Variants in CHN2 observed in about 807,000 individuals in gnomAD.
CHN2 encodes chimerin 2, also known as beta-chimaerin.
A neutral mutation model predicts 56.3 loss-of-function variants in CHN2; 35 were observed. The ratio of observed to expected loss-of-function variants is 0.62; its 90% CI spans 0.47 to 0.82. The LOEUF is 0.82. CHN2 is among the 40% of genes least tolerant of loss of function. The pLI is 0.00. For missense variants in CHN2, 491 were observed against 580.5 expected (o/e 0.85, Z 1.58); for synonymous variants, 210 against 212.8 (o/e 0.99, Z 0.12).
At chr7:29,506,968 A>C (rs1185960580) in intron 10 of CHN2, among the ~76,000 whole-genome samples, 2 of 152,160 alleles carry the variant, frequency 1.3e-5, no homozygotes, top group African/African-American at 4.8e-5. Flanking sequence ...TATTTAGCAA[A>C]TTACCAGGGG....
Position 29,194,988 on chromosome 7 carries a change from C to G in CHN2, c.47C>G (p.Ser16Cys), listed in dbSNP as rs764852613. ...NSSLSGSSVS[S>C]DAEEYQPPIW... is the part of the protein sequence containing the mutation. The stretch of plus-strand genomic sequence containing the variant: ...AGCCTGTCCGGCTCGTCGGTGTCCT[C>G]CGGTGAGTTTCAGCCCGTCGGGCGC... Residue 16 changes from serine (S) to cysteine (C), a missense_variant and splice_region_variant, in exon 1 of 13, where the codon TCC becomes TGC. By Grantham distance (112) the Ser-to-Cys change is moderately radical (BLOSUM62 -1). Coordinates refer to ENST00000222792, the MANE Select transcript of CHN2 (RefSeq NM_004067.4). 4 of 1,587,170 alleles carry G rather than the reference C, an allele frequency of 2.5e-6. No homozygotes were observed. Among genetic ancestry groups the G allele is most frequent in the South Asian group, 2.3e-5 (2 of 87,766 alleles).
At chr7:29,352,684 C>T (rs1349076346) in intron 1 of CHN2, among the ~76,000 whole-genome samples, 1 of 152,142 alleles carries the variant, frequency 6.6e-6, no homozygotes, top group African/African-American at 2.4e-5. Flanking sequence ...GATCATGCCA[C>T]TGCACTTCAG....
chr7:29,420,512 AAATATGTCAGACATATTCTGTCTAAG>A (rs1804228093), intron 6 of CHN2, among the ~76,000 whole-genome samples: 1 of 152,220 alleles, frequency 6.6e-6, no homozygotes, highest in Non-Finnish European at 1.5e-5. Context: ...ATGCTAAGTG[AAATATGTCAGACATATTCTGTCTAAG>A]AATCTTTGTT....
chr7:29,268,431 T>A (rs1790333632), intron 1 of CHN2, among the ~76,000 whole-genome samples: 1 of 152,162 alleles, frequency 6.6e-6, no homozygotes, highest in Non-Finnish European at 1.5e-5. Context: ...CTTCTCTTGA[T>A]CTTTGCATTT....
intron 2 of CHN2, among the ~76,000 whole-genome samples, chr7:29,178,441 A>G (rs1332936706): frequency 2.0e-5 from 3 of 151,874 alleles, no homozygotes; most frequent in Non-Finnish European, 4.4e-5. Flanking sequence ...TGTTCCTCTA[A>G]CATGCCCAGC....
intron 6 of CHN2, among the ~76,000 whole-genome samples, chr7:29,427,252 G>GT (rs1249594203): frequency 1.3e-5 from 2 of 152,160 alleles, no homozygotes; most frequent in Admixed American, 6.5e-5. Flanking sequence ...GGAGGCAGAG[G>GT]TTGCAGTGAA....
intron 1 of CHN2, among the ~76,000 whole-genome samples, chr7:29,242,904 G>T (rs1288539659): frequency 2.0e-5 from 3 of 150,362 alleles, no homozygotes; most frequent in Non-Finnish European, 4.4e-5. Context: ...TTCTGGAAAT[G>T]AGCTTTAAAC....
At chr7:29,266,420 CAGAG>C (rs1191613198) in intron 1 of CHN2, among the ~76,000 whole-genome samples, 1 of 152,144 alleles carries the variant, frequency 6.6e-6, no homozygotes, top group Non-Finnish European at 1.5e-5. Flanking sequence ...TCTTTTCTGC[CAGAG>C]AGACCAGCAA....
intron 1 of CHN2, among the ~76,000 whole-genome samples, chr7:29,262,781 G>A (rs1021978979): frequency 1.7e-4 from 26 of 152,170 alleles, no homozygotes; most frequent in African/African-American, 5.8e-4. Context: ...GTGAAGATGG[G>A]GGTGCAGGGG....
chr7:29,377,030 TTTTG>T (rs894414492), intron 3 of CHN2, among the ~76,000 whole-genome samples: 1 of 148,202 alleles, frequency 6.7e-6, no homozygotes, highest in African/African-American at 2.4e-5. Flanking sequence ...GTTTGTTTTA[TTTTG>T]TTTGTTTATT....
At chr7:29,197,798 G>T (rs1005845764) in intron 1 of CHN2, 1 of 385,908 alleles carries the variant, frequency 2.6e-6, no homozygotes, top group Non-Finnish European at 5.1e-6. Flanking sequence ...CTCTATTCCA[G>T]TTTGATAAAA....
chr7:29,389,626 G>A (rs1454092518), intron 3 of CHN2, among the ~76,000 whole-genome samples: 2 of 152,138 alleles, frequency 1.3e-5, no homozygotes, highest in African/African-American at 2.4e-5. Flanking sequence ...ATATATTAAG[G>A]TAGTTCCAAA....
At chr7:29,180,432 C>T (rs994665375) in intron 2 of CHN2, among the ~76,000 whole-genome samples, 3 of 151,932 alleles carry the variant, frequency 2.0e-5, no homozygotes, top group African/African-American at 7.2e-5. Context: ...GAGGCTGAGG[C>T]AGGAGAATCA....
At position 29,509,282 on chromosome 7, in the gene CHN2, T is replaced by A. The variant is rs752515838; in HGVS notation, c.1130-19T>A. ...ATGCCACACTCTGAACTAATACCCA[T>A]CATGCGTGAACTTCACAGAAATCTC... On this transcript the variant is annotated intron_variant, in intron 11 of 12. Transcript: ENST00000222792. 1 of 1,586,274 alleles carries A rather than the reference T, an allele frequency of 6.3e-7. No homozygotes were observed. The highest frequency in any genetic ancestry group is 1.1e-5 in the South Asian group (1 of 90,454).
intron 1 of CHN2, among the ~76,000 whole-genome samples, chr7:29,201,865 G>T (rs547511359): frequency 3.3e-5 from 5 of 152,246 alleles, no homozygotes; most frequent in Admixed American, 6.5e-5. Context: ...TGCTGTTTAG[G>T]TTATCTTTTA....
chr7:29,353,380 G>A (rs865802926), intron 1 of CHN2, among the ~76,000 whole-genome samples: 1 of 152,342 alleles, frequency 6.6e-6, no homozygotes, highest in Middle Eastern at 3.4e-3. Flanking sequence ...ACAGCCAGGC[G>A]CAGTGGCTCA....
chr7:29,445,242 C>T, intron 6 of CHN2: 1 of 446,730 alleles, frequency 2.2e-6, no homozygotes, highest in Non-Finnish European at 4.5e-6. Flanking sequence ...ACACTGAGAA[C>T]CCTACCTCCT....
intron 6 of CHN2, among the ~76,000 whole-genome samples, chr7:29,404,805 T>C (rs528587255): frequency 6.6e-6 from 1 of 152,108 alleles, no homozygotes; most frequent in East Asian, 1.9e-4. Flanking sequence ...GCTCAAGCGA[T>C]CCTCCCATCT....
chr7:29,436,270 G>GA (rs1783216927), intron 6 of CHN2, among the ~76,000 whole-genome samples: 1 of 152,138 alleles, frequency 6.6e-6, no homozygotes, highest in South Asian at 2.1e-4. Context: ...ACCACGCTTT[G>GA]ACCAGTAAGA....
Sources: allele counts gnomAD v4.1 joint callset (sites outside exome capture counted in the v4.1 genomes callset), GRCh38; gene constraint gnomAD v4.1.1; transcripts MANE v1.5; gene names NCBI Gene and HGNC (gene_info 2026-07-23, HGNC 2026-07-21).